Variants in PCK1 observed in about 807,000 individuals in gnomAD.
PCK1 encodes phosphoenolpyruvate carboxykinase, cytosolic [GTP].
A neutral mutation model predicts 50.3 loss-of-function variants in PCK1; 44 were observed. That is an observed-to-expected ratio of 0.87 (90% CI 0.69 to 1.12). The LOEUF (loss-of-function observed/expected upper bound fraction) is 1.12, where lower values mean the gene tolerates loss of function less well. Among genes scored for constraint, PCK1 ranks in the 50% most tolerant of loss-of-function variants. The pLI is 0.00. For synonymous variants in PCK1, 332 were observed against 314.3 expected, an observed-to-expected ratio of 1.06 and a Z score of -0.59; for missense variants, 790 against 815.0, an observed-to-expected ratio of 0.97 and a Z score of 0.37.
In PCK1 at chr20:57,562,678, A is replaced by G. The variant is rs2070157969; in HGVS notation, c.407-18A>G. 1.2e-6 allele frequency: 2 copies of G among 1,605,892 alleles called. No homozygotes were observed. The highest frequency in any genetic ancestry group is 1.7e-6 in the Non-Finnish European group (2 of 1,173,460). ...CCAAGGTCATTTCTCACCAGTGCCC[A>G]CCCATCGCACCCTGTAGGTCGCACC... On this transcript the variant is annotated intron_variant, in intron 3 of 9. Coordinates refer to ENST00000319441, the MANE Select transcript of PCK1 (RefSeq NM_002591.4).
At position 57,562,680 on chromosome 20, in the gene PCK1, C is replaced by A; in HGVS notation, c.407-16C>A. The A allele has an allele frequency of 1.9e-6, 3 of 1,607,484 alleles. No individual in the cohort carries two copies. Among genetic ancestry groups the A allele is most frequent in the Non-Finnish European group, 2.6e-6 (3 of 1,174,778 alleles). ...AAGGTCATTTCTCACCAGTGCCCACCCATCGCACCCTGTAGGTCGCACCAT... is the reference window on the plus strand; with the variant it reads ...AAGGTCATTTCTCACCAGTGCCCACACATCGCACCCTGTAGGTCGCACCAT... On this transcript the variant is annotated splice_polypyrimidine_tract_variant and intron_variant, in intron 3 of 9. Coordinates refer to ENST00000319441, the MANE Select transcript of PCK1 (RefSeq NM_002591.4).
chr20:57,564,751 A>T (rs1337745898), intron 8 of PCK1, 138 bp downstream of exon 8: 3 of 793,908 alleles, frequency 3.8e-6, no homozygotes, highest in Non-Finnish European at 6.0e-6. Context: ...CCAAAGATCC[A>T]GAATAATTGG....
chr20:57,562,606 G>T (rs769118487), intron 3 of PCK1, 90 bp from the exon 4 acceptor site: 21 of 1,099,420 alleles, frequency 1.9e-5, no homozygotes, highest in Non-Finnish European at 2.8e-5. Context: ...GTGGAACACC[G>T]TGAAAATGGG....
rs1391759523 is a variant in PCK1 at position 57,567,943 on chromosome 20, G to A, written c.*2139G>A. On this transcript the variant is annotated 3_prime_UTR_variant, in exon 10 of 10. Coordinates refer to ENST00000319441, the MANE Select transcript of PCK1 (RefSeq NM_002591.4). Reference sequence around the variant, plus strand: ...GCCTGGGGGACAGCCTAGAGGAGGTGACTTACATACACAGCATAAGAGTTT... The same window carrying A: ...GCCTGGGGGACAGCCTAGAGGAGGTAACTTACATACACAGCATAAGAGTTT... 1 of 152,284 alleles carries A rather than the reference G, an allele frequency of 6.6e-6. No individual in the cohort carries two copies. Among genetic ancestry groups the A allele is most frequent in the Non-Finnish European group, 1.5e-5 (1 of 68,094 alleles). The allele number at this position is 152,284 out of a possible 1,614,324, so 9.4% of individuals were successfully genotyped here. A position where few individuals can be genotyped will look rare whatever the true frequency, so the allele number is the denominator to read the frequency against.
chr20:57,565,142 C>A lies in PCK1; in HGVS notation c.1414+7C>A, dbSNP rs2146530629. The A allele has an allele frequency of 6.2e-7, 1 of 1,607,392 alleles. No homozygotes were observed. On this transcript the variant is annotated splice_region_variant and intron_variant, in intron 9 of 9. Transcript: ENST00000319441. ...GCGGCTGCAGAACATAAAGGTAAATCAAAGTCCTGATCTGAAACCACAGAG... is the reference window on the plus strand; with the variant it reads ...GCGGCTGCAGAACATAAAGGTAAATAAAAGTCCTGATCTGAAACCACAGAG...
intron 5 of PCK1, 131 bp downstream of exon 5, chr20:57,563,346 A>G (rs916816713): frequency 1.7e-5 from 14 of 827,948 alleles, no homozygotes; most frequent in East Asian, 2.6e-5. Context: ...GGGAAACCCC[A>G]CCAGTAATGA....
In PCK1 at chr20:57,563,126, G is replaced by A. The variant is rs775952976; in HGVS notation, c.709G>A (p.Gly237Arg). The A allele has an allele frequency of 2.0e-5, 32 of 1,613,836 alleles. No homozygotes were observed. The highest frequency in any genetic ancestry group is 2.5e-5 in the Non-Finnish European group (29 of 1,180,014). ...CATCTCCTTTGGCAGTGGGTACGGC[G>A]GGAACTCGCTGCTCGGGAAGAAGTG... ...EIISFGSGYG[G>R]NSLLGKKCFA... is the part of the protein sequence containing the mutation. Residue 237 changes from glycine (G) to arginine (R), a missense_variant, in exon 5 of 10, where the codon GGG (glycine) becomes AGG (arginine). Gly to Arg is a moderately radical substitution (Grantham distance 125). Coordinates refer to ENST00000319441, the MANE Select transcript of PCK1 (RefSeq NM_002591.4).
At position 57,566,161 on chromosome 20, in the gene PCK1, A is replaced by ATGTGTG. The variant is rs141075201; in HGVS notation, c.*388_*393dup. The ATGTGTG allele has an allele frequency of 0.041, 6,495 of 159,580 alleles. 273 individuals carry two copies. The highest frequency in any genetic ancestry group is 0.16 in the East Asian group (944 of 5,742). The allele number at this position is 159,580 out of a possible 1,614,324, so 9.9% of individuals were successfully genotyped here. On this transcript the variant is annotated 3_prime_UTR_variant, in exon 10 of 10. Transcript: ENST00000319441. ...AAAAATACTTGAGCTGTATATATAT[A>ATGTGTG]TGTGTGTGTGTGTGTGTGTGTGTGT... is the stretch of plus-strand genomic sequence containing the variant.
Position 57,565,497 on chromosome 20 carries a change from A to G in PCK1, c.1562A>G (p.Lys521Arg). ...CATGTCAACTGGTTCCGGAAGGACAAGGAAGGCAAATTCCTCTGGCCAGGC... is the reference window on the plus strand; with the variant it reads ...CATGTCAACTGGTTCCGGAAGGACAGGGAAGGCAAATTCCTCTGGCCAGGC... ...IFHVNWFRKD[K>R]EGKFLWPGFG... The change falls in exon 10 of 10, where the codon AAG (lysine) becomes AGG (arginine). Residue 521 changes from lysine to arginine, a missense_variant. By Grantham distance (26) the Lys-to-Arg change is conservative. Coordinates refer to ENST00000319441, the MANE Select transcript of PCK1 (RefSeq NM_002591.4). 2 of 1,614,244 alleles carry G rather than the reference A, an allele frequency of 1.2e-6. No homozygotes were observed. The highest frequency in any genetic ancestry group is 1.7e-6 in the Non-Finnish European group (2 of 1,180,026).
chr20:57,563,327 G>T, intron 5 of PCK1, 112 bp downstream of exon 5: 1 of 990,788 alleles, frequency 1.0e-6, no homozygotes. Context: ...GCAGGTTCCC[G>T]GACAGATCGG....
intron 3 of PCK1, 109 bp from the exon 4 acceptor site, chr20:57,562,587 G>C: frequency 1.2e-6 from 1 of 846,784 alleles, no homozygotes; most frequent in Non-Finnish European, 1.9e-6. Context: ...GCAGGGTGTG[G>C]TGGTGTTAGT....
At chr20:57,561,332 T>G in intron 1 of PCK1, 40 bp from the exon 2 acceptor site, 1 of 851,524 alleles carries the variant, frequency 1.2e-6, no homozygotes, top group Non-Finnish European at 1.9e-6. Context: ...AAGGTGTCTG[T>G]TGTTGTTTTT....
chr20:57,564,178 G>A lies in PCK1; in HGVS notation c.971G>A (p.Arg324Lys), dbSNP rs1393505094. The change falls in exon 7 of 10, where the codon AGG becomes AAG. Residue 324 changes from arginine (R) to lysine (K), a missense_variant. By Grantham distance (26) the Arg-to-Lys change is conservative (BLOSUM62 2). Transcript: ENST00000319441. ...GTTTAAAACTCTCCAGGTCATTTAA[G>A]GGCCATCAACCCAGAAAATGGCTTT... ...WMKFDAQGHL[R>K]AINPENGFFG... The A allele has an allele frequency of 1.9e-6, 3 of 1,612,146 alleles. No homozygotes were observed. The highest frequency in any genetic ancestry group is 3.3e-5 in the Admixed American group (2 of 59,930).
In PCK1 at chr20:57,565,751, T is replaced by A; in HGVS notation, c.1816T>A (p.Cys606Ser). 1 of 1,613,538 alleles carries A rather than the reference T, an allele frequency of 6.2e-7. No homozygotes were observed. The highest frequency in any genetic ancestry group is 8.5e-7 in the Non-Finnish European group (1 of 1,179,922). Residue 606 changes from cysteine (C) to serine (S), a missense_variant, in exon 10 of 10, where the codon TGT becomes AGT. By Grantham distance (112) the Cys-to-Ser change is moderately radical. Coordinates refer to ENST00000319441, the MANE Select transcript of PCK1 (RefSeq NM_002591.4). ...GGATCAAGTCAATGCCGACCTCCCC[T>A]GTGAAATCGAGAGAGAGATCCTTGC... ...LEDQVNADLP[C>S]EIEREILALK...
chr20:57,565,599 T>C lies in PCK1; in HGVS notation c.1664T>C (p.Ile555Thr), dbSNP rs1220210881. The change falls in exon 10 of 10, where the codon ATA becomes ACA. Residue 555 changes from isoleucine (I) to threonine (T), a missense_variant. Ile to Thr is a moderately conservative substitution (Grantham distance 89). Coordinates refer to ENST00000319441, the MANE Select transcript of PCK1 (RefSeq NM_002591.4). ...AAAGCCAGCACCAAGCTCACGCCCATAGGCTACATCCCCAAGGAGGATGCC... is the reference window on the plus strand; with the variant it reads ...AAAGCCAGCACCAAGCTCACGCCCACAGGCTACATCCCCAAGGAGGATGCC... ...DGKASTKLTP[I>T]GYIPKEDALN... 5.0e-6 allele frequency: 8 copies of C among 1,614,028 alleles called. No individual in the cohort carries two copies. The highest frequency in any genetic ancestry group is 1.1e-5 in the South Asian group (1 of 91,088).
In PCK1 at chr20:57,567,372, G is replaced by A. The variant is rs1324738534; in HGVS notation, c.*1568G>A. The A allele has an allele frequency of 2.0e-5, 3 of 152,218 alleles. No homozygotes were observed. The allele number at this position is 152,218 out of a possible 1,614,324, so 9.4% of individuals were successfully genotyped here. On this transcript the variant is annotated 3_prime_UTR_variant, in exon 10 of 10. Transcript: ENST00000319441. ...GGTGAGGAAACTGAGGTCAAGCTAG[G>A]AGCGTCCAGCGGGGCTGAGAAATTG... is the stretch of plus-strand genomic sequence containing the variant.
At position 57,566,634 on chromosome 20, in the gene PCK1, A is replaced by C. The variant is rs1381699543; in HGVS notation, c.*830A>C. ...GAGAAGGAGGGAGCAGATGGGGAGG[A>C]ATGAGGCAGGGAACCATGGTTGGGG... On this transcript the variant is annotated 3_prime_UTR_variant, in exon 10 of 10. Coordinates refer to ENST00000319441, the MANE Select transcript of PCK1 (RefSeq NM_002591.4). 2.0e-5 allele frequency: 3 copies of C among 152,142 alleles called. No individual in the cohort carries two copies. The highest frequency in any genetic ancestry group is 4.4e-5 in the Non-Finnish European group (3 of 68,064). 9.4% of individuals were successfully genotyped at this position (152,142 alleles called of 1,614,324 possible).
chr20:57,565,218 T>C, intron 9 of PCK1, 83 bp downstream of exon 9: 1 of 1,293,438 alleles, frequency 7.7e-7, no homozygotes, highest in South Asian at 1.2e-5. Context: ...TCCTTTTCTG[T>C]GTCTGTGTGT....
chr20:57,564,705 A>G, intron 8 of PCK1, 92 bp downstream of exon 8: 1 of 1,159,562 alleles, frequency 8.6e-7, no homozygotes, highest in Non-Finnish European at 1.2e-6. Context: ...ACCTTGTCAG[A>G]GGGTGCCCAG....
Sources: allele counts gnomAD v4.1 joint callset, GRCh38; gene constraint gnomAD v4.1.1; transcripts MANE v1.5; gene names NCBI Gene and HGNC (gene_info 2026-07-23, HGNC 2026-07-21).